The following TRPM7 variants were observed in gnomAD, a reference collection of about 807,000 sequenced individuals.
The protein encoded by TRPM7 is transient receptor potential cation channel subfamily M member 7, also known as LTRPC ion channel family member 7.
In TRPM7, 134 loss-of-function variants were observed where a neutral mutation model predicts 229.7. The observed-to-expected ratio is 0.58, with a 90% CI of 0.51 to 0.67. TRPM7 has a LOEUF of 0.67. TRPM7 is among the 30% of genes least tolerant of loss of function. TRPM7 has a pLI of 0.00. For synonymous variants in TRPM7, 699 were observed against 715.2 expected, an observed-to-expected ratio of 0.98 and a Z score of 0.36; for missense variants, 1,901 against 2,210.0, an observed-to-expected ratio of 0.86 and a Z score of 2.80.
At chr15:50,637,365 G>A in intron 7 of TRPM7, 57 bp downstream of exon 7, 1 of 1,474,748 alleles carries the variant, frequency 6.8e-7, no homozygotes, top group Non-Finnish European at 9.2e-7. Flanking sequence ...CTTTGAATTT[G>A]GCTATTAGTA....
Position 50,606,612 on chromosome 15 carries a change from C to T in TRPM7, c.2709+588G>A, listed in dbSNP as rs188704716. On this transcript the variant is annotated intron_variant, in intron 20 of 38. Transcript: ENST00000646667. ...CTCCTGGGTTCAAGTGATTCTCCTG[C>T]CTCAGTCTTCCAAGTAGCTGGGATT... 1.8e-3 allele frequency among the ~76,000 whole-genome samples: 278 copies of T among 152,104 alleles called. 1 individual carries two copies. The highest frequency in any genetic ancestry group is 4.6e-3 in the Admixed American group (71 of 15,286).
At position 50,628,119 on chromosome 15, in the gene TRPM7, T is replaced by C. The variant is rs1351638968; in HGVS notation, c.1305+30A>G. 1.7e-5 allele frequency: 24 copies of C among 1,441,644 alleles called. No individual in the cohort carries two copies. The Admixed American group carries it at 4.3e-4, about 26-fold the overall frequency. The allele number at this position is 1,441,644 out of a possible 1,614,324, so 89.3% of individuals were successfully genotyped here. On this transcript the variant is annotated intron_variant, in intron 11 of 38. Transcript: ENST00000646667. ...TTTTTTATTACTTAGTGTAATTTAATTGTATTGTGTATGTAGATTATTTAC... is the reference window on the plus strand; with the variant it reads ...TTTTTTATTACTTAGTGTAATTTAACTGTATTGTGTATGTAGATTATTTAC...
chr15:50,654,392 A>G (rs576325617), intron 3 of TRPM7, among the ~76,000 whole-genome samples: 3 of 151,502 alleles, frequency 2.0e-5, no homozygotes, highest in Admixed American at 2.0e-4. Context: ...GGGTGCAGTG[A>G]GCTGAGATTG....
In TRPM7 at chr15:50,648,696, G is replaced by A. The variant is rs1293209000; in HGVS notation, c.312C>T (p.Tyr104=). ...CCAATATGTGACATACCTTAGCTCT[G>A]TAGGAATGAGAACCCCCTTGAAAAT... is the stretch of plus-strand genomic sequence containing the variant. ...VINFQGGSHS[Y]RAKYVRLSYD... The change falls in exon 4 of 39, where the codon TAC becomes TAT. Residue 104 remains tyrosine (Y), a synonymous_variant. Transcript: ENST00000646667. 1 of 1,606,832 alleles carries A rather than the reference G, an allele frequency of 6.2e-7. No homozygotes were observed.
rs900580220 is a variant in TRPM7, at chr15:50,589,653, T to C, written c.4328A>G (p.His1443Arg). 2.5e-6 allele frequency: 4 copies of C among 1,579,756 alleles called. No individual in the cohort carries two copies. Among genetic ancestry groups the C allele is most frequent in the Non-Finnish European group, 3.4e-6 (4 of 1,163,128 alleles). The stretch of plus-strand genomic sequence containing the variant: ...CCTCTGTAAATCCATGCTATCTCTG[T>C]GTCCTTTAATAGAAAAAAAGATGTT... ...DNTEFGAFVG[H>R]RDSMDLQRFK... The change falls in exon 27 of 39, where the codon CAC (histidine) becomes CGC (arginine). Residue 1443 changes from histidine (H) to arginine (R), a missense_variant. By Grantham distance (29) the His-to-Arg change is conservative. Around this residue, in one of 8 missense-constraint regions of TRPM7, gnomAD observed 533 missense variants for 497.1 expected, o/e 1.07. Coordinates refer to ENST00000646667, the MANE Select transcript of TRPM7 (RefSeq NM_017672.6).
chr15:50,630,606 C>T (rs1198105899), intron 10 of TRPM7, among the ~76,000 whole-genome samples: 1 of 152,124 alleles, frequency 6.6e-6, no homozygotes, highest in Admixed American at 6.5e-5. Context: ...GTTTTAAAAT[C>T]CTATCTTTAT....
In TRPM7 at chr15:50,686,060, C is replaced by G. The variant is rs557275340; in HGVS notation, c.3+471G>C. 6.6e-5 allele frequency among the ~76,000 whole-genome samples: 10 copies of G among 152,352 alleles called. No individual in the cohort carries two copies. The South Asian group carries it at 1.0e-3, about 16-fold the overall frequency. On this transcript the variant is annotated intron_variant, in intron 1 of 38. Transcript: ENST00000646667. Reference sequence around the variant, plus strand: ...TGCTCCAAACCCGTGTCCTCTACCCCCTTTTTGCACCCTTCTAGCCCTCCC... The same window carrying G: ...TGCTCCAAACCCGTGTCCTCTACCCGCTTTTTGCACCCTTCTAGCCCTCCC...
rs756946949 is a variant in TRPM7 at position 50,575,053 on chromosome 15, G to T, written c.4818C>A (p.Gly1606=). The T allele has an allele frequency of 6.2e-7, 1 of 1,614,020 alleles. No individual in the cohort carries two copies. The highest frequency in any genetic ancestry group is 8.5e-7 in the Non-Finnish European group (1 of 1,179,950). ...NNSMSSWSQL[G]LCAKIEFLSK... Reference sequence around the variant, plus strand: ...TTAAAAACTCTATTTTGGCACAGAGGCCTAGTTGTGACCAAGAAGACATGC... The same window carrying T: ...TTAAAAACTCTATTTTGGCACAGAGTCCTAGTTGTGACCAAGAAGACATGC... Residue 1606 remains glycine (G), a synonymous_variant, in exon 34 of 39, where the codon GGC becomes GGA. Coordinates refer to ENST00000646667, the MANE Select transcript of TRPM7 (RefSeq NM_017672.6).
intron 21 of TRPM7, chr15:50,599,525 G>A (rs1372052305): frequency 8.2e-6 from 3 of 366,152 alleles, no homozygotes; most frequent in East Asian, 8.4e-5. Flanking sequence ...CAAGTCATGG[G>A]CATCTTTATC....
At chr15:50,593,197 G>A (rs2059549329) in intron 25 of TRPM7, among the ~76,000 whole-genome samples, 1 of 152,144 alleles carries the variant, frequency 6.6e-6, no homozygotes, top group Admixed American at 6.5e-5. Flanking sequence ...ACTGAGGCAG[G>A]AGAATCACTT....
chr15:50,622,676 G>A (rs957276861), intron 12 of TRPM7, among the ~76,000 whole-genome samples: 1 of 151,946 alleles, frequency 6.6e-6, no homozygotes, highest in Non-Finnish European at 1.5e-5. Flanking sequence ...ATCTGAAGTC[G>A]GGAGTTCAAG....
chr15:50,681,264 T>TACACACACACACACACACACACAC lies in TRPM7; in HGVS notation c.3+5243_3+5266dup, dbSNP rs72070923. 3.2e-3 allele frequency among the ~76,000 whole-genome samples: 467 copies of TACACACACACACACACACACACAC among 146,998 alleles called. 4 individuals carry two copies. Among genetic ancestry groups the TACACACACACACACACACACACAC allele is most frequent in the African/African-American group, 9.4e-3 (366 of 38,970 alleles). The stretch of plus-strand genomic sequence containing the variant: ...AGACTTCGTCTCAAAAATAAATAAA[T>TACACACACACACACACACACACAC]ACACACACACACACACACACACACA... On this transcript the variant is annotated intron_variant, in intron 1 of 38. Transcript: ENST00000646667.
At chr15:50,623,248 C>T (rs776391469) in intron 12 of TRPM7, among the ~76,000 whole-genome samples, 1 of 151,490 alleles carries the variant, frequency 6.6e-6, no homozygotes, top group South Asian at 2.1e-4. Context: ...CCCGACTCTA[C>T]TAAAAACACA....
Position 50,648,979 on chromosome 15 carries a change from T to C in TRPM7, c.123-94A>G, listed in dbSNP as rs2061343903. ...GTGAATGAACCGACAAATATAAGCT[T>C]TAAAATTTTTATATTTTATATAAGT... On this transcript the variant is annotated intron_variant, in intron 3 of 38. Transcript: ENST00000646667. The C allele has an allele frequency of 9.3e-6, 8 of 857,628 alleles. No individual in the cohort carries two copies. The South Asian group carries it at 2.1e-4, about 23-fold the overall frequency. The allele number at this position is 857,628 out of a possible 1,614,324, so 53.1% of individuals were successfully genotyped here.
chr15:50,658,323 T>C (rs572418912), intron 2 of TRPM7, among the ~76,000 whole-genome samples: 1 of 152,016 alleles, frequency 6.6e-6, no homozygotes, highest in East Asian at 1.9e-4. Flanking sequence ...ACACCTATAA[T>C]TGCAACACTC....
intron 1 of TRPM7, among the ~76,000 whole-genome samples, chr15:50,669,510 G>C (rs981813380): frequency 6.6e-6 from 1 of 152,122 alleles, no homozygotes; most frequent in Non-Finnish European, 1.5e-5. Context: ...ATGGAACAGA[G>C]TTCCATCAAA....
At chr15:50,653,510 A>G (rs1389410388) in intron 3 of TRPM7, among the ~76,000 whole-genome samples, 1 of 152,194 alleles carries the variant, frequency 6.6e-6, no homozygotes, top group African/African-American at 2.4e-5. Flanking sequence ...AATATATGAG[A>G]TAACTGTTTC....
chr15:50,608,423 T>C (rs1457989820), intron 19 of TRPM7, among the ~76,000 whole-genome samples: 1 of 150,872 alleles, frequency 6.6e-6, no homozygotes, highest in African/African-American at 2.4e-5. Context: ...CATCCTTTAT[T>C]TGATTATCTG....
chr15:50,592,149 A>T lies in TRPM7; in HGVS notation c.4086T>A (p.Pro1362=). The part of the protein sequence containing the change: ...SGALFPSAVS[P]PELRQRLHGV... ...CATGTAGTCTCTGTCGCAGTTCTGG[A>T]GGGGAAACAGCACTTGGGAATAAGG... Residue 1362 remains proline (P), a synonymous_variant, in exon 26 of 39, where the codon CCT becomes CCA. Transcript: ENST00000646667. 6.2e-7 allele frequency: 1 copy of T among 1,613,756 alleles called. No homozygotes were observed. The highest frequency in any genetic ancestry group is 8.5e-7 in the Non-Finnish European group (1 of 1,179,876).
Sources: allele counts gnomAD v4.1 joint callset (sites outside exome capture counted in the v4.1 genomes callset), GRCh38; gene constraint gnomAD v4.1.1; regional missense constraint gnomAD v4.1.1; transcripts MANE v1.5; gene names NCBI Gene and HGNC (gene_info 2026-07-23, HGNC 2026-07-21).